The following PTPRN2 variants were observed in gnomAD, a reference collection of about 807,000 sequenced individuals.
PTPRN2 encodes the protein protein tyrosine phosphatase receptor type N2.
PTPRN2 carries 74 observed loss-of-function variants against 118.8 expected under a neutral mutation model. That is an observed-to-expected ratio of 0.62 (90% CI 0.52 to 0.76). The LOEUF is 0.76. Among genes scored for constraint, PTPRN2 ranks in the 30% least tolerant of loss-of-function variants. The pLI is 0.00. For synonymous variants in PTPRN2, 641 were observed against 608.0 expected (o/e 1.05, Z -0.80); for missense variants, 1,481 against 1,394.4 (o/e 1.06, Z -0.99).
rs1807584770 is a variant in PTPRN2 at position 157,831,765 on chromosome 7, C to T, written c.1788+66908G>A. On this transcript the variant is annotated intron_variant, in intron 12 of 22. Transcript: ENST00000389418. This position sits in a 1 kb window ranked among gnomAD's most constrained non-coding sequence, Gnocchi z 4.8. ...CAGGCAGCTGGGGCTGTCCTCACAC[C>T]AGCACAGCCCAGTCCTATGACAAGC... Among the ~76,000 whole-genome samples the T allele has an allele frequency of 1.3e-5, 2 of 152,218 alleles. No individual in the cohort carries two copies. Among genetic ancestry groups the T allele is most frequent in the African/African-American group, 2.4e-5 (1 of 41,446 alleles).
chr7:158,020,173 G>A (rs770662934), intron 11 of PTPRN2, among the ~76,000 whole-genome samples: 3 of 152,220 alleles, frequency 2.0e-5, no homozygotes, highest in African/African-American at 4.8e-5. Flanking sequence ...AGTGCTGCCC[G>A]TTATTGCTGC....
In PTPRN2 at chr7:158,376,341, C is replaced by T. The variant is rs143075879; in HGVS notation, c.164-59409G>A. On this transcript the variant is annotated intron_variant, in intron 2 of 22. Transcript: ENST00000389418. ...CCACGGCCCTGTCACACGTCCTGCA[C>T]GTGGGGTTAGGGGACTCTCCCACAG... Among the ~76,000 whole-genome samples, 249 of 132,724 alleles carry T rather than the reference C, an allele frequency of 1.9e-3. 2 individuals are homozygous for T. Among genetic ancestry groups the T allele is most frequent in the African/African-American group, 6.7e-3 (234 of 34,718 alleles). The allele number at this position is 132,724 out of a possible 152,430, so 87.1% of individuals were successfully genotyped here.
chr7:158,405,676 C>G (rs145501701), intron 2 of PTPRN2, among the ~76,000 whole-genome samples: 22 of 152,370 alleles, frequency 1.4e-4, no homozygotes, highest in African/African-American at 5.0e-4. Flanking sequence ...CCTCTATACT[C>G]TTAATACAGT....
chr7:158,460,280 A>G (rs13310057), intron 2 of PTPRN2, among the ~76,000 whole-genome samples: 553 of 102,528 alleles, frequency 5.4e-3, no homozygotes, highest in Middle Eastern at 0.015. Context: ...CCAGCTGCAG[A>G]ATGGGACTCT....
chr7:157,984,268 C>CA, intron 11 of PTPRN2, among the ~76,000 whole-genome samples: 1 of 38,612 alleles, frequency 2.6e-5, no homozygotes, highest in Non-Finnish European at 5.9e-5. Flanking sequence ...CCAGGCTCCA[C>CA]CCCCCACGCC....
At chr7:158,293,348 A>G (rs1250170837) in intron 3 of PTPRN2, among the ~76,000 whole-genome samples, 2 of 152,104 alleles carry the variant, frequency 1.3e-5, no homozygotes, top group Non-Finnish European at 2.9e-5. Flanking sequence ...AAGCTGAGAC[A>G]GGTGATCACC....
At chr7:158,441,074 GGTGGTGCTGGTGGTA>G (rs1817061184) in intron 2 of PTPRN2, among the ~76,000 whole-genome samples, 1 of 135,810 alleles carries the variant, frequency 7.4e-6, no homozygotes, top group Non-Finnish European at 1.6e-5. Flanking sequence ...TGGTAGTGAT[GGTGGTGCTGGTGGTA>G]GTGATAGGGG....
intron 8 of PTPRN2, among the ~76,000 whole-genome samples, chr7:158,135,290 A>AT (rs754517396): frequency 2.6e-5 from 4 of 152,186 alleles, no homozygotes; most frequent in African/African-American, 4.8e-5. Context: ...TTCCTTTTGT[A>AT]TTTTTTAAAA....
chr7:158,042,211 T>C (rs1808519424), intron 11 of PTPRN2, among the ~76,000 whole-genome samples: 1 of 152,002 alleles, frequency 6.6e-6, no homozygotes, highest in Non-Finnish European at 1.5e-5. Flanking sequence ...AACCAGAGAA[T>C]GGATTTCCAA....
chr7:158,318,064 C>T (rs896776), intron 2 of PTPRN2, among the ~76,000 whole-genome samples: 84,055 of 151,880 alleles, frequency 0.55, 23,631 homozygotes, highest in African/African-American at 0.61. Flanking sequence ...CCGGCCGCGC[C>T]GCCTCCTGTC....
intron 12 of PTPRN2, among the ~76,000 whole-genome samples, chr7:157,817,149 G>A (rs1015899586): frequency 5.9e-5 from 9 of 152,358 alleles, no homozygotes; most frequent in East Asian, 1.9e-4. Context: ...CTGCTTACGC[G>A]TCACACCAGC....
chr7:158,205,179 G>A lies in PTPRN2; in HGVS notation c.372C>T (p.Ser124=), dbSNP rs1213957764. 6.2e-7 allele frequency: 1 copy of A among 1,613,460 alleles called. No individual in the cohort carries two copies. The highest frequency in any genetic ancestry group is 8.5e-7 in the Non-Finnish European group (1 of 1,179,334). Residue 124 remains serine (S), a synonymous_variant, in exon 4 of 23, where the codon AGC becomes AGT. Coordinates refer to ENST00000389418, the MANE Select transcript of PTPRN2 (RefSeq NM_002847.5). ...KTYLRRPEAS[S]PARPSKHSVG... is the part of the protein sequence containing the mutation. ...GCCACGTCCACACTTACCTGGCTGGGCTGGATGCTTCAGGACGCCTCAGGT... is the reference window on the plus strand; with the variant it reads ...GCCACGTCCACACTTACCTGGCTGGACTGGATGCTTCAGGACGCCTCAGGT...
chr7:158,110,813 AG>A lies in PTPRN2; in HGVS notation c.1643+15del. The A allele has an allele frequency of 1.3e-6, 2 of 1,569,548 alleles. No individual in the cohort carries two copies. The highest frequency in any genetic ancestry group is 8.7e-7 in the Non-Finnish European group (1 of 1,155,984). ...GCAACAGGAGCCAAACAGAAACCCC[AG>A]GGCCCCGTACTTACTCCACGTCAGC... On this transcript the variant is annotated intron_variant, in intron 10 of 22. Transcript: ENST00000389418.
intron 22 of PTPRN2, among the ~76,000 whole-genome samples, chr7:157,542,027 G>A (rs779693327): frequency 2.2e-4 from 34 of 152,268 alleles, no homozygotes; most frequent in Middle Eastern, 3.4e-3. Flanking sequence ...CCTCAGGGTG[G>A]GACCCGGGGA....
Position 157,598,013 on chromosome 7 carries a change from C to T in PTPRN2, c.2419-2698G>A, listed in dbSNP as rs189002883. ...CACAGGCAGCCTCCTTGTGGTCTCA[C>T]GCAGGCTTCGAGGAAAAGTCAAGCA... On this transcript the variant is annotated intron_variant, in intron 16 of 22. Coordinates refer to ENST00000389418, the MANE Select transcript of PTPRN2 (RefSeq NM_002847.5). The surrounding 1 kb of genome is among the most constrained non-coding windows in gnomAD (Gnocchi z 5.2). Among the ~76,000 whole-genome samples the T allele has an allele frequency of 3.9e-5, 6 of 152,334 alleles. No individual in the cohort carries two copies. The East Asian group carries it at 5.8e-4, about 15-fold the overall frequency.
chr7:157,906,480 C>G (rs369604785), intron 11 of PTPRN2, among the ~76,000 whole-genome samples: 1 of 152,220 alleles, frequency 6.6e-6, no homozygotes, highest in African/African-American at 2.4e-5. Flanking sequence ...CAGGGCCATA[C>G]GTGAGGCCCA....
intron 12 of PTPRN2, among the ~76,000 whole-genome samples, chr7:157,700,964 ACGCAT>A (rs1176748019): frequency 3.0e-4 from 45 of 152,328 alleles, no homozygotes; most frequent in African/African-American, 1.1e-3. Flanking sequence ...TCATCATTTC[ACGCAT>A]GTGCACATGC....
rs574551429 is a variant in PTPRN2, at chr7:158,448,825, C to T, written c.163+40910G>A. Among the ~76,000 whole-genome samples, 12 of 152,338 alleles carry T rather than the reference C, an allele frequency of 7.9e-5. No individual in the cohort carries two copies. In the South Asian group the frequency reaches 2.3e-3, roughly 29 times the overall value. On this transcript the variant is annotated intron_variant, in intron 2 of 22. Coordinates refer to ENST00000389418, the MANE Select transcript of PTPRN2 (RefSeq NM_002847.5). ...ACTGGACTGTCCAGGTGCTCCAGCC[C>T]CACCAGCGTTTCCAATGGTCAGGAG...
At chr7:157,837,872 C>A (rs1378585470) in intron 12 of PTPRN2, among the ~76,000 whole-genome samples, 1 of 152,274 alleles carries the variant, frequency 6.6e-6, no homozygotes, top group African/African-American at 2.4e-5. Flanking sequence ...ATAGGACACA[C>A]AAGTGACTCA....
Sources: gnomAD v4.1 joint callset for allele counts (sites outside exome capture counted in the v4.1 genomes callset) on GRCh38, gnomAD v4.1.1 for gene constraint, Gnocchi (gnomAD v3.1) non-coding constraint, MANE v1.5 for transcripts, NCBI Gene and HGNC (gene_info 2026-07-23, HGNC 2026-07-21) for gene names.